Variants in HERC1 observed in about 807,000 individuals in gnomAD.
The protein encoded by HERC1 is probable E3 ubiquitin-protein ligase HERC1.
HERC1 carries 160 observed loss-of-function variants against 554.3 expected under a neutral mutation model. The ratio of observed to expected loss-of-function variants is 0.29; its 90% CI spans 0.25 to 0.33. The LOEUF (loss-of-function observed/expected upper bound fraction) is 0.33. Ranked by LOEUF, HERC1 falls within the 10% of genes least tolerant of loss-of-function variation. HERC1 has a pLI of 1.00. For missense variants in HERC1, 4,919 were observed against 5,918.5 expected (o/e 0.83, Z 5.54); for synonymous variants, 2,175 against 2,131.7 (o/e 1.02, Z -0.56).
Position 63,749,356 on chromosome 15 carries a change from G to A in HERC1, c.2219+11C>T. ...AAACACACAAGAATTTTTAAACATA[G>A]GCACTCTTACCTGTCCCTAGGAAGA... On this transcript the variant is annotated intron_variant, in intron 10 of 77. Coordinates refer to ENST00000443617, the MANE Select transcript of HERC1 (RefSeq NM_003922.4). This position sits in a 1 kb window ranked among gnomAD's most constrained non-coding sequence, Gnocchi z 4.1. 1 of 1,567,624 alleles carries A rather than the reference G, an allele frequency of 6.4e-7. No individual in the cohort carries two copies. The highest frequency in any genetic ancestry group is 8.6e-7 in the Non-Finnish European group (1 of 1,161,362).
At chr15:63,787,227 G>A (rs958996613) in intron 1 of HERC1, among the ~76,000 whole-genome samples, 9 of 152,082 alleles carry the variant, frequency 5.9e-5, no homozygotes, top group Middle Eastern at 3.4e-3. Flanking sequence ...TGCAATCTCC[G>A]TTCACTGCAA....
Position 63,734,929 on chromosome 15 carries a change from A to C in HERC1, c.2521-80T>G. 1 of 1,206,272 alleles carries C rather than the reference A, an allele frequency of 8.3e-7. No homozygotes were observed. Among genetic ancestry groups the C allele is most frequent in the South Asian group, 1.4e-5 (1 of 70,452 alleles). The allele number at this position is 1,206,272 out of a possible 1,614,324, so 74.7% of individuals were successfully genotyped here. A position where few individuals can be genotyped will look rare whatever the true frequency, so the allele number is the denominator to read the frequency against. ...AAACACACTTAAAGCGAACTCACTGACTACTAGGATCATGTAAGTCTAAAA... is the reference window on the plus strand; with the variant it reads ...AAACACACTTAAAGCGAACTCACTGCCTACTAGGATCATGTAAGTCTAAAA... On this transcript the variant is annotated intron_variant, in intron 12 of 77. Transcript: ENST00000443617. This position sits in a 1 kb window ranked among gnomAD's most constrained non-coding sequence, Gnocchi z 4.6.
chr15:63,788,751 T>C (rs2076533441), intron 1 of HERC1, among the ~76,000 whole-genome samples: 1 of 151,678 alleles, frequency 6.6e-6, no homozygotes, highest in Non-Finnish European at 1.5e-5. Flanking sequence ...GCCCCGTCTC[T>C]ACTAAAAATA....
chr15:63,715,804 C>T (rs1428020046), intron 22 of HERC1, among the ~76,000 whole-genome samples: 1 of 152,132 alleles, frequency 6.6e-6, no homozygotes, highest in Non-Finnish European at 1.5e-5. Flanking sequence ...GTTTTATGCA[C>T]CCAGTCAATA....
In HERC1 at chr15:63,615,939, A is replaced by G. The variant is rs1483532487; in HGVS notation, c.13942-19T>C. The G allele has an allele frequency of 1.3e-6, 2 of 1,561,562 alleles. No individual in the cohort carries two copies. The highest frequency in any genetic ancestry group is 2.7e-5 in the African/African-American group (2 of 72,898). ...GAATCATCTAGGAACAGAAGAAAAC[A>G]GAATTTTTATTACATGGTAGAAATG... On this transcript the variant is annotated intron_variant, in intron 75 of 77. Transcript: ENST00000443617.
At chr15:63,818,479 A>G (rs2077572855) in intron 1 of HERC1, among the ~76,000 whole-genome samples, 1 of 152,252 alleles carries the variant, frequency 6.6e-6, no homozygotes, top group Non-Finnish European at 1.5e-5. Flanking sequence ...AATAACAGAA[A>G]GAACTGAAAG....
At chr15:63,641,737 G>A in intron 59 of HERC1, 94 bp from the exon 60 acceptor site, 1 of 1,027,176 alleles carries the variant, frequency 9.7e-7, no homozygotes, top group Non-Finnish European at 1.3e-6. Context: ...CTAGTAACTG[G>A]GACATCTTTG....
At chr15:63,631,410 T>C (rs1441143231) in intron 68 of HERC1, among the ~76,000 whole-genome samples, 2 of 152,236 alleles carry the variant, frequency 1.3e-5, no homozygotes, top group East Asian at 1.9e-4. Flanking sequence ...CTCCAGCCCA[T>C]GGGAACATCA....
rs2068207892 is a variant in HERC1, at chr15:63,624,311, T to C, written c.13292A>G (p.Tyr4431Cys). The change falls in exon 72 of 78, where the codon TAT becomes TGT. Residue 4431 changes from tyrosine (Y) to cysteine (C), a missense_variant. Around this residue, in one of 11 missense-constraint regions of HERC1, gnomAD observed 410 missense variants for 467.0 expected, o/e 0.88. Coordinates refer to ENST00000443617, the MANE Select transcript of HERC1 (RefSeq NM_003922.4). ...TACAATGCCCCAAGTTCCAGCATTA[T>C]AATGGGATGTGCTGTTCTGTAACAG... ...SPNNQNSTSHYNAGTWGIVQG... is the reference protein window; with the variant it reads ...SPNNQNSTSHCNAGTWGIVQG... 3.7e-6 allele frequency: 6 copies of C among 1,610,000 alleles called. No individual in the cohort carries two copies. Among genetic ancestry groups the C allele is most frequent in the Non-Finnish European group, 4.2e-6 (5 of 1,177,376 alleles).
intron 1 of HERC1, among the ~76,000 whole-genome samples, chr15:63,778,527 G>A (rs1183354432): frequency 2.6e-5 from 4 of 152,156 alleles, no homozygotes; most frequent in Non-Finnish European, 5.9e-5. Context: ...ACAACTGAGT[G>A]GTGAAGGGTA....
intron 1 of HERC1, among the ~76,000 whole-genome samples, chr15:63,786,914 A>AT (rs780871966): frequency 0.029 from 3,908 of 134,840 alleles, 120 homozygotes; most frequent in Non-Finnish European, 0.046. Context: ...AACTCAATAA[A>AT]TTATTATTTT....
chr15:63,727,232 C>T lies in HERC1; in HGVS notation c.3346+415G>A, dbSNP rs535731665. On this transcript the variant is annotated intron_variant, in intron 17 of 77. Transcript: ENST00000443617. The surrounding 1 kb of genome is among the most constrained non-coding windows in gnomAD (Gnocchi z 4.3). ...CAGAGGTTGCAATGAGGCAAGATTG[C>T]GCCACTGCATTCCAGCCTGGGCAAC... Among the ~76,000 whole-genome samples the T allele has an allele frequency of 1.3e-4, 20 of 152,092 alleles. No homozygotes were observed. Among genetic ancestry groups the T allele is most frequent in the Admixed American group, 5.9e-4 (9 of 15,288 alleles).
intron 48 of HERC1, among the ~76,000 whole-genome samples, chr15:63,656,625 T>C (rs1023115942): frequency 2.0e-5 from 3 of 152,126 alleles, no homozygotes; most frequent in Non-Finnish European, 4.4e-5. Context: ...AAGCATAAAT[T>C]TTCATAAGCT....
rs747465543 is a variant in HERC1 at position 63,636,092 on chromosome 15, T to C, written c.12283A>G (p.Met4095Val). Residue 4095 changes from methionine to valine, a missense_variant, in exon 65 of 78, where the codon ATG (methionine) becomes GTG (valine). Met to Val is a conservative substitution (Grantham distance 21). Transcript: ENST00000443617. ...ACCTCACCACTTTCAGTTAGGGCCA[T>C]AGAGTGCCCATCAGAACCACAGGAA... is the stretch of plus-strand genomic sequence containing the variant. ...VTSCGSDGHS[M>V]ALTESGEVFS... 37 of 1,613,680 alleles carry C rather than the reference T, an allele frequency of 2.3e-5. No individual in the cohort carries two copies. Among genetic ancestry groups the C allele is most frequent in the Middle Eastern group, 1.6e-4 (1 of 6,062 alleles).
rs1390152997 is a variant in HERC1, at chr15:63,690,636, C to A, written c.5842G>T (p.Val1948Phe). The A allele has an allele frequency of 6.3e-7, 1 of 1,595,346 alleles. No individual in the cohort carries two copies. The highest frequency in any genetic ancestry group is 1.3e-5 in the African/African-American group (1 of 74,528). The change falls in exon 32 of 78, where the codon GTT becomes TTT. Residue 1948 changes from valine (V) to phenylalanine (F), a missense_variant. Val to Phe is a conservative substitution (Grantham distance 50). Coordinates refer to ENST00000443617, the MANE Select transcript of HERC1 (RefSeq NM_003922.4). ...SQKCSSGIPL[V>F]GNLRTRLLAL... ...AGGAGCCTTGTTCTTAAGTTACCAA[C>A]CAGAGGGATACCTGGAGGGGAAAAG...
chr15:63,775,642 C>A lies in HERC1; in HGVS notation c.-19G>T. ...TTGCCATGTTGATTTATCCTTCAGC[C>A]ATTAGTCCTGCAAAGGGAGAAGAGA... On this transcript the variant is annotated 5_prime_UTR_variant, in exon 2 of 78. It removes an upstream start codon present in the reference 5' UTR. Transcript: ENST00000443617. This position sits in a 1 kb window ranked among gnomAD's most constrained non-coding sequence, Gnocchi z 4.0. 6.4e-7 allele frequency: 1 copy of A among 1,558,994 alleles called. No homozygotes were observed.
At chr15:63,743,627 C>A (rs1213724128) in intron 12 of HERC1, among the ~76,000 whole-genome samples, 3 of 152,208 alleles carry the variant, frequency 2.0e-5, no homozygotes, top group Non-Finnish European at 4.4e-5. Context: ...TTCAAAATGT[C>A]AATTGCATTT....
At chr15:63,647,086 C>A (rs995504330) in intron 55 of HERC1, among the ~76,000 whole-genome samples, 4 of 151,810 alleles carry the variant, frequency 2.6e-5, no homozygotes, top group Non-Finnish European at 5.9e-5. Flanking sequence ...GAAACCCTGT[C>A]TCTACTAAAA....
chr15:63,762,447 C>T (rs1004254417), intron 3 of HERC1, among the ~76,000 whole-genome samples: 10 of 152,140 alleles, frequency 6.6e-5, no homozygotes, highest in African/African-American at 2.2e-4. Context: ...CCTCAGCCTC[C>T]TGAGTAGCTG....
Sources: gnomAD v4.1 joint callset for allele counts (sites outside exome capture counted in the v4.1 genomes callset) on GRCh38, gnomAD v4.1.1 for gene constraint, gnomAD v4.1.1 regional missense constraint, Gnocchi (gnomAD v3.1) non-coding constraint, MANE v1.5 for transcripts, NCBI Gene and HGNC (gene_info 2026-07-23, HGNC 2026-07-21) for gene names.